CLIC5: variants seen among roughly 807,000 people sequenced by gnomAD.
The protein encoded by CLIC5 is CLIC family member 5.
In CLIC5, 20 loss-of-function variants were observed where a neutral mutation model predicts 24.7. The observed-to-expected ratio is 0.81, with a 90% CI of 0.57 to 1.18. The LOEUF is 1.18. Among genes scored for constraint, CLIC5 ranks in the 50% most tolerant of loss-of-function variants. CLIC5 has a pLI of 0.00. For missense variants in CLIC5, 341 were observed against 326.1 expected, an observed-to-expected ratio of 1.05 and a Z score of -0.35; for synonymous variants, 159 against 135.6, an observed-to-expected ratio of 1.17 and a Z score of -1.20.
At chr6:45,954,022 T>C (rs1581785971) in intron 2 of CLIC5, among the ~76,000 whole-genome samples, 1 of 152,024 alleles carries the variant, frequency 6.6e-6, no homozygotes, top group Non-Finnish European at 1.5e-5. Flanking sequence ...ACGTCTGTAA[T>C]CCCAGCACTT....
chr6:45,907,699 T>C (rs1762700092), intron 5 of CLIC5, among the ~76,000 whole-genome samples: 1 of 152,158 alleles, frequency 6.6e-6, no homozygotes, highest in Non-Finnish European at 1.5e-5. Context: ...TGATTCAATT[T>C]CATAACTCAA....
rs368563779 is a variant in CLIC5, at chr6:45,984,659, C to T, written c.64-29415G>A. On this transcript the variant is annotated intron_variant, in intron 1 of 5. Transcript: ENST00000339561. ...TGCAGGGCAAGGCTTTCATGGTCTT[C>T]TTGCCTTCGCTGGGGCTAGTTACCC... Among the ~76,000 whole-genome samples, 103 of 152,298 alleles carry T rather than the reference C, an allele frequency of 6.8e-4. 1 individual carries two copies. The South Asian group carries it at 0.019, about 28-fold the overall frequency.
At chr6:45,973,476 G>C (rs909401485) in intron 1 of CLIC5, among the ~76,000 whole-genome samples, 1 of 152,092 alleles carries the variant, frequency 6.6e-6, no homozygotes, top group Non-Finnish European at 1.5e-5. Context: ...GTATGACAGA[G>C]AGAAATGTGT....
chr6:45,981,854 C>T (rs1196293124), intron 1 of CLIC5, among the ~76,000 whole-genome samples: 1 of 151,974 alleles, frequency 6.6e-6, no homozygotes, highest in Non-Finnish European at 1.5e-5. Flanking sequence ...AAAAATTATC[C>T]GGGCATGATG....
upstream of CLIC5, among the ~76,000 whole-genome samples, chr6:46,083,911 A>G (rs1467360264): frequency 6.6e-6 from 1 of 152,014 alleles, no homozygotes. Context: ...TGGGAGTCTA[A>G]GTCTCTTTGT....
At chr6:46,073,153 C>T (rs1762664624) in intron 1 of CLIC5, among the ~76,000 whole-genome samples, 2 of 152,080 alleles carry the variant, frequency 1.3e-5, no homozygotes, top group Admixed American at 6.6e-5. Context: ...CATATGGGCA[C>T]CTAGAAAATA....
upstream of CLIC5, among the ~76,000 whole-genome samples, chr6:46,085,179 A>AT (rs1481569418): frequency 6.6e-6 from 1 of 151,888 alleles, no homozygotes; most frequent in African/African-American, 2.4e-5. Context: ...ATTCTTCTAA[A>AT]TTTTTTTCAA....
intron 5 of CLIC5, among the ~76,000 whole-genome samples, chr6:45,910,998 C>T (rs970917762): frequency 2.0e-5 from 3 of 152,224 alleles, no homozygotes; most frequent in African/African-American, 7.2e-5. Context: ...CAGCACATAG[C>T]AGGAACTCTG....
At position 45,983,465 on chromosome 6, in the gene CLIC5, T is replaced by C. The variant is rs918970907; in HGVS notation, c.64-28221A>G. 2.0e-5 allele frequency among the ~76,000 whole-genome samples: 3 copies of C among 152,224 alleles called. No individual in the cohort carries two copies. In the South Asian group the frequency reaches 6.2e-4, roughly 32 times the overall value. ...ACAAGACACACCATTGAGAAGAGTTTTGTAACAATCGGTTGGAAGAGCGAT... is the reference window on the plus strand; with the variant it reads ...ACAAGACACACCATTGAGAAGAGTTCTGTAACAATCGGTTGGAAGAGCGAT... On this transcript the variant is annotated intron_variant, in intron 1 of 5. Coordinates refer to ENST00000339561, the MANE Select transcript of CLIC5 (RefSeq NM_016929.5).
chr6:45,889,078 C>T (rs900653370), intron 6 of CLIC5, among the ~76,000 whole-genome samples: 1 of 152,094 alleles, frequency 6.6e-6, no homozygotes, highest in African/African-American at 2.4e-5. Context: ...AATGAAAGAT[C>T]CGTCAGTCTG....
At chr6:45,998,877 G>C (rs1252240206) in intron 1 of CLIC5, among the ~76,000 whole-genome samples, 1 of 152,186 alleles carries the variant, frequency 6.6e-6, no homozygotes, top group Non-Finnish European at 1.5e-5. Context: ...TAGAACACAG[G>C]TATGTCCATT....
At chr6:46,092,334 G>A in the CLIC5 span, among the ~76,000 whole-genome samples, 1 of 152,166 alleles carries the variant, frequency 6.6e-6, no homozygotes, top group African/African-American at 2.4e-5. Context: ...AGAGAAACAA[G>A]AACAAGATAA....
At chr6:45,945,543 A>G (rs992938215) in intron 3 of CLIC5, among the ~76,000 whole-genome samples, 1 of 152,164 alleles carries the variant, frequency 6.6e-6, no homozygotes, top group Non-Finnish European at 1.5e-5. Context: ...CAAAAACTAC[A>G]GGATGGAAGA....
At chr6:45,936,730 C>G (rs1337762542) in intron 4 of CLIC5, among the ~76,000 whole-genome samples, 3 of 152,120 alleles carry the variant, frequency 2.0e-5, no homozygotes, top group Non-Finnish European at 4.4e-5. Context: ...TCACCTGCCT[C>G]TCTGCATAGG....
intron 6 of CLIC5, among the ~76,000 whole-genome samples, chr6:45,884,771 A>G (rs1011421638): frequency 6.6e-6 from 1 of 152,140 alleles, no homozygotes; most frequent in Non-Finnish European, 1.5e-5. Context: ...TAACTGAGGA[A>G]GACCATGTGG....
At chr6:45,979,688 C>CTATTTAAAAAACGTTGATGGCGTTGT (rs1765502554) in intron 1 of CLIC5, among the ~76,000 whole-genome samples, 1 of 151,520 alleles carries the variant, frequency 6.6e-6, no homozygotes, top group Admixed American at 6.6e-5. Flanking sequence ...ACTGCATTTT[C>CTATTTAAAAAACGTTGATGGCGTTGT]TATTTAAAAA....
rs1405310714 is a variant in CLIC5, at chr6:45,965,611, A to G, written c.64-10367T>C. On this transcript the variant is annotated intron_variant, in intron 1 of 5. Transcript: ENST00000339561. ...CCACCTCAGAAATGTACCAAAACACAGGAAACCAAAGAGCAATACAAATCT... is the reference window on the plus strand; with the variant it reads ...CCACCTCAGAAATGTACCAAAACACGGGAAACCAAAGAGCAATACAAATCT... Among the ~76,000 whole-genome samples the G allele has an allele frequency of 2.6e-5, 4 of 152,246 alleles. No individual in the cohort carries two copies. In the East Asian group the frequency reaches 7.7e-4, roughly 29 times the overall value.
chr6:45,884,221 A>G (rs1449380601), intron 6 of CLIC5, among the ~76,000 whole-genome samples: 1 of 152,124 alleles, frequency 6.6e-6, no homozygotes. Context: ...AACTGGGCAT[A>G]CTTCTCATGG....
At chr6:45,981,340 C>A (rs1159915245) in intron 1 of CLIC5, among the ~76,000 whole-genome samples, 1 of 151,832 alleles carries the variant, frequency 6.6e-6, no homozygotes, top group African/African-American at 2.4e-5. Flanking sequence ...TATATAATTT[C>A]TGAAATTTTG....
Sources: gnomAD v4.1 joint callset for allele counts (sites outside exome capture counted in the v4.1 genomes callset) on GRCh38, gnomAD v4.1.1 for gene constraint, MANE v1.5 for transcripts, NCBI Gene and HGNC (gene_info 2026-07-23, HGNC 2026-07-21) for gene names.